Variants in XXYLT1 observed in about 807,000 individuals in gnomAD.
XXYLT1 encodes the protein xyloside xylosyltransferase 1, also known as UDP-xylose:alpha-xyloside alpha-1,3-xylosyltransferase.
A neutral mutation model predicts 28.9 loss-of-function variants in XXYLT1; 20 were observed. The ratio of observed to expected loss-of-function variants is 0.69; its 90% CI spans 0.49 to 1.00. The LOEUF (loss-of-function observed/expected upper bound fraction) is 1.00. Ranked by LOEUF, XXYLT1 falls within the 50% of genes least tolerant of loss-of-function variation. XXYLT1 has a pLI of 0.00. For synonymous variants in XXYLT1, 257 were observed against 253.8 expected (o/e 1.01, Z -0.12); for missense variants, 542 against 560.1 (o/e 0.97, Z 0.33).
chr3:195,079,754 A>G (rs1251214496), intron 3 of XXYLT1, among the ~76,000 whole-genome samples: 1 of 152,162 alleles, frequency 6.6e-6, no homozygotes, highest in Non-Finnish European at 1.5e-5. Flanking sequence ...AAAGGAAGAC[A>G]TGAAGTCATC....
At chr3:195,212,278 C>T (rs911730018) in intron 2 of XXYLT1, among the ~76,000 whole-genome samples, 3 of 152,176 alleles carry the variant, frequency 2.0e-5, no homozygotes, top group African/African-American at 4.8e-5. Flanking sequence ...CTGCTGGATC[C>T]GATGGGATCG....
chr3:195,185,715 A>T (rs1722169139), intron 2 of XXYLT1, among the ~76,000 whole-genome samples: 1 of 145,876 alleles, frequency 6.9e-6, no homozygotes, highest in Non-Finnish European at 1.5e-5. Flanking sequence ...TGAGGGACAC[A>T]ATGGGGACGG....
chr3:195,252,715 C>CAG (rs1345883267), intron 1 of XXYLT1, among the ~76,000 whole-genome samples: 34 of 141,788 alleles, frequency 2.4e-4, no homozygotes, highest in African/African-American at 1.0e-3. Flanking sequence ...CACACACACA[C>CAG]ACACACACAC....
chr3:195,260,773 T>C (rs1471256956), intron 1 of XXYLT1, among the ~76,000 whole-genome samples: 1 of 152,144 alleles, frequency 6.6e-6, no homozygotes, highest in Non-Finnish European at 1.5e-5. Flanking sequence ...TGGCCCAGGG[T>C]ATCAGCTGGA....
intron 2 of XXYLT1, among the ~76,000 whole-genome samples, chr3:195,220,334 G>A (rs986047101): frequency 6.6e-6 from 1 of 152,136 alleles, no homozygotes; most frequent in African/African-American, 2.4e-5. Flanking sequence ...AGTAGAAATG[G>A]GGTTTCACCA....
At chr3:195,264,786 C>A (rs1725791009) in intron 1 of XXYLT1, among the ~76,000 whole-genome samples, 1 of 152,118 alleles carries the variant, frequency 6.6e-6, no homozygotes, top group Non-Finnish European at 1.5e-5. Context: ...CATGCACAGC[C>A]GGGCGTGTTG....
At chr3:195,262,650 G>A (rs1411633397) in intron 1 of XXYLT1, among the ~76,000 whole-genome samples, 2 of 152,216 alleles carry the variant, frequency 1.3e-5, no homozygotes, top group Non-Finnish European at 2.9e-5. Context: ...CCGTCGATCA[G>A]TGTATTTCAT....
chr3:195,119,268 A>G (rs983992009), intron 3 of XXYLT1, among the ~76,000 whole-genome samples: 5 of 147,702 alleles, frequency 3.4e-5, no homozygotes, highest in African/African-American at 5.1e-5. Flanking sequence ...TGGGAGACAC[A>G]GCGAGACTCC....
At chr3:195,208,402 G>A (rs770274522) in intron 2 of XXYLT1, among the ~76,000 whole-genome samples, 2 of 152,026 alleles carry the variant, frequency 1.3e-5, no homozygotes, top group African/African-American at 4.8e-5. Context: ...CTGCCCACAC[G>A]CCTGCCGAAG....
intron 1 of XXYLT1, among the ~76,000 whole-genome samples, chr3:195,261,251 G>A (rs1385196586): frequency 1.3e-5 from 2 of 152,002 alleles, no homozygotes; most frequent in Non-Finnish European, 2.9e-5. Context: ...TGGCCAACAT[G>A]GTGAAACCCT....
At chr3:195,177,936 T>TAAA (rs56022005) in intron 2 of XXYLT1, among the ~76,000 whole-genome samples, 1,563 of 115,544 alleles carry the variant, frequency 0.014, 47 homozygotes, top group African/African-American at 0.054. Context: ...CTCTGTCTCT[T>TAAA]AAAAAAAAAA....
chr3:195,105,425 A>C (rs1717029343), intron 3 of XXYLT1, among the ~76,000 whole-genome samples: 1 of 152,214 alleles, frequency 6.6e-6, no homozygotes, highest in Admixed American at 6.5e-5. Context: ...GTTTAAGAGA[A>C]ACAGACATAT....
intron 1 of XXYLT1, among the ~76,000 whole-genome samples, chr3:195,265,309 G>T (rs1725813689): frequency 6.6e-6 from 1 of 151,642 alleles, no homozygotes; most frequent in Non-Finnish European, 1.5e-5. Context: ...AGAGGCTGCA[G>T]TGAGCCAAGA....
At chr3:195,116,868 G>A (rs1384063587) in intron 3 of XXYLT1, among the ~76,000 whole-genome samples, 1 of 152,118 alleles carries the variant, frequency 6.6e-6, no homozygotes, top group Non-Finnish European at 1.5e-5. Flanking sequence ...ATTGGGGGAA[G>A]AGCAATCCAG....
intron 3 of XXYLT1, 143 bp downstream of exon 3, chr3:195,156,306 C>A: frequency 7.2e-7 from 1 of 1,379,530 alleles, no homozygotes; most frequent in Non-Finnish European, 9.7e-7. Context: ...CAACTGTAAG[C>A]AATAAGTACC....
At chr3:195,186,963 C>T (rs1026922517) in intron 2 of XXYLT1, among the ~76,000 whole-genome samples, 5 of 150,880 alleles carry the variant, frequency 3.3e-5, no homozygotes, top group African/African-American at 1.2e-4. Context: ...GGCGCGATCT[C>T]GGCTCACCGC....
intron 3 of XXYLT1, among the ~76,000 whole-genome samples, chr3:195,148,696 A>G (rs2108662926): frequency 6.6e-6 from 1 of 152,278 alleles, no homozygotes; most frequent in Non-Finnish European, 1.5e-5. Flanking sequence ...CTGCAGAGAG[A>G]TGGAAAGTGT....
intron 3 of XXYLT1, among the ~76,000 whole-genome samples, chr3:195,088,581 C>T (rs1165523819): frequency 8.5e-6 from 1 of 117,840 alleles, no homozygotes; most frequent in African/African-American, 3.1e-5. Context: ...GGGGAAAAAA[C>T]AGAACAGAAA....
intron 2 of XXYLT1, among the ~76,000 whole-genome samples, chr3:195,164,962 T>C (rs141337242): frequency 2.0e-4 from 31 of 152,166 alleles, no homozygotes; most frequent in African/African-American, 7.5e-4. Context: ...TTCTGCTCCA[T>C]TGGAAGGGGA....
Sources: allele counts gnomAD v4.1 joint callset (sites outside exome capture counted in the v4.1 genomes callset), GRCh38; gene constraint gnomAD v4.1.1; transcripts MANE v1.5; gene names NCBI Gene and HGNC (gene_info 2026-07-23, HGNC 2026-07-21).